The following TBCE variants were observed in gnomAD, a reference collection of about 807,000 sequenced individuals.
TBCE encodes the protein tubulin-specific chaperone E.
In TBCE, 53 loss-of-function variants were observed where a neutral mutation model predicts 77.0. The ratio of observed to expected loss-of-function variants is 0.69; its 90% CI spans 0.55 to 0.87. The LOEUF is 0.87. Ranked by LOEUF, TBCE falls within the 40% of genes least tolerant of loss-of-function variation. TBCE has a pLI of 0.00. For synonymous variants in TBCE, 235 were observed against 241.3 expected (o/e 0.97, Z 0.24); for missense variants, 624 against 622.4 (o/e 1.00, Z -0.03).
At chr1:235,396,832 G>A (rs1678751668) in intron 2 of TBCE, among the ~76,000 whole-genome samples, 1 of 152,056 alleles carries the variant, frequency 6.6e-6, no homozygotes, top group African/African-American at 2.4e-5. Context: ...CGGATTAATA[G>A]ATGTTTTTCC....
intron 5 of TBCE, among the ~76,000 whole-genome samples, chr1:235,423,439 G>A (rs1388668259): frequency 6.6e-6 from 1 of 152,168 alleles, no homozygotes; most frequent in Non-Finnish European, 1.5e-5. Flanking sequence ...TGAGGGAAGC[G>A]TGATTGGACT....
At chr1:235,414,040 A>G (rs1679969034) in intron 3 of TBCE, 3 of 276,400 alleles carry the variant, frequency 1.1e-5, no homozygotes, top group Non-Finnish European at 1.4e-5. Context: ...TTTTTAGTAG[A>G]GATGGGGGTT....
intron 1 of TBCE, among the ~76,000 whole-genome samples, chr1:235,369,915 C>G (rs1210097583): frequency 6.6e-6 from 1 of 151,940 alleles, no homozygotes; most frequent in African/African-American, 2.4e-5. Context: ...CACTGCTGAT[C>G]TCATGTCGTT....
chr1:235,423,633 C>T (rs1027327474), intron 5 of TBCE: 5 of 153,956 alleles, frequency 3.2e-5, no homozygotes, highest in African/African-American at 1.2e-4. Context: ...TTACAGAAGC[C>T]ATCATGCAGG....
At chr1:235,424,728 C>T (rs1328224965) in intron 5 of TBCE, among the ~76,000 whole-genome samples, 3 of 152,052 alleles carry the variant, frequency 2.0e-5, no homozygotes, top group African/African-American at 7.2e-5. Context: ...TGGTCTCGAA[C>T]CCCCGACCTC....
In TBCE at chr1:235,437,304, C is replaced by G; in HGVS notation, c.964-18C>G. ...TGAACGTACCGCTTTTCATTTATTTCCTTTTGCTGTGTTTCAGTGGTCGTT... is the reference window on the plus strand; with the variant it reads ...TGAACGTACCGCTTTTCATTTATTTGCTTTTGCTGTGTTTCAGTGGTCGTT... On this transcript the variant is annotated intron_variant, in intron 11 of 16. Coordinates refer to ENST00000642610, the MANE Select transcript of TBCE (RefSeq NM_003193.5). The G allele has an allele frequency of 6.2e-7, 1 of 1,613,912 alleles. No individual in the cohort carries two copies. The highest frequency in any genetic ancestry group is 8.5e-7 in the Non-Finnish European group (1 of 1,179,914).
Position 235,450,097 on chromosome 1 carries a change from TC to T in TBCE, c.*1336del. 7.4e-7 allele frequency: 1 copy of T among 1,352,006 alleles called. No individual in the cohort carries two copies. The highest frequency in any genetic ancestry group is 1.0e-6 in the Non-Finnish European group (1 of 973,976). The allele number at this position is 1,352,006 out of a possible 1,614,324, so 83.8% of individuals were successfully genotyped here. ...CTGGGTGAAAGTGCCAGTCTGGAAC[TC>T]TCTTGAAAGACCATACAGTCTACTG... On this transcript the variant is annotated 3_prime_UTR_variant, in exon 17 of 17. Coordinates refer to ENST00000642610, the MANE Select transcript of TBCE (RefSeq NM_003193.5).
At chr1:235,380,363 T>G (rs1428547775) in intron 2 of TBCE, among the ~76,000 whole-genome samples, 2 of 152,302 alleles carry the variant, frequency 1.3e-5, no homozygotes, top group East Asian at 3.9e-4. Context: ...TTTAATTATA[T>G]GCCATTTAAT....
At chr1:235,402,152 C>T (rs1679149929) in intron 3 of TBCE, among the ~76,000 whole-genome samples, 1 of 151,648 alleles carries the variant, frequency 6.6e-6, no homozygotes, top group Admixed American at 6.6e-5. Context: ...CAACCTCCAC[C>T]TCCTAGGTTC....
chr1:235,379,436 G>A (rs1373632679), intron 1 of TBCE, among the ~76,000 whole-genome samples: 1 of 152,116 alleles, frequency 6.6e-6, no homozygotes, highest in Non-Finnish European at 1.5e-5. Flanking sequence ...GCTGAGGCAG[G>A]GGAATTGCTT....
chr1:235,449,084 A>AGTT lies in TBCE; in HGVS notation c.*322_*323insGTT. 2 of 326,690 alleles carry AGTT rather than the reference A, an allele frequency of 6.1e-6. No homozygotes were observed. The highest frequency in any genetic ancestry group is 4.3e-5 in the African/African-American group (2 of 46,442). The allele number at this position is 326,690 out of a possible 1,614,324, so 20.2% of individuals were successfully genotyped here. The stretch of plus-strand genomic sequence containing the variant: ...AGCCTAATAAAATCTGAACACAGTT[A>AGTT]ATATCTGTCATAAGACTAGTTTTAA... On this transcript the variant is annotated 3_prime_UTR_variant, in exon 17 of 17. Coordinates refer to ENST00000642610, the MANE Select transcript of TBCE (RefSeq NM_003193.5).
chr1:235,381,749 G>C (rs968302461), intron 2 of TBCE, among the ~76,000 whole-genome samples: 1 of 139,032 alleles, frequency 7.2e-6, no homozygotes, highest in Non-Finnish European at 1.6e-5. Flanking sequence ...CTGATTATTT[G>C]TATAAAGTGC....
At chr1:235,397,241 G>T (rs745355117) in intron 2 of TBCE, among the ~76,000 whole-genome samples, 7 of 132,416 alleles carry the variant, frequency 5.3e-5, no homozygotes, top group Admixed American at 1.7e-4. Flanking sequence ...TTGCTCTGTC[G>T]CCCAGGCTGG....
intron 15 of TBCE, among the ~76,000 whole-genome samples, chr1:235,447,509 A>G (rs1414941746): frequency 4.6e-5 from 7 of 152,218 alleles, no homozygotes; most frequent in South Asian, 2.1e-4. Context: ...GTGTATGTTT[A>G]ATACAGTTAC....
chr1:235,420,223 T>G (rs1333708770), intron 5 of TBCE, among the ~76,000 whole-genome samples: 1 of 152,120 alleles, frequency 6.6e-6, no homozygotes, highest in Non-Finnish European at 1.5e-5. Flanking sequence ...CAGTACAGAT[T>G]GGGAGAGCAG....
intron 5 of TBCE, among the ~76,000 whole-genome samples, chr1:235,424,392 T>A (rs1486212006): frequency 9.4e-6 from 1 of 106,840 alleles, no homozygotes; most frequent in Admixed American, 9.1e-5. Flanking sequence ...TGGCGCGATC[T>A]TGGCTCACCG....
At chr1:235,376,739 C>T (rs182320419) in intron 1 of TBCE, among the ~76,000 whole-genome samples, 42 of 152,192 alleles carry the variant, frequency 2.8e-4, no homozygotes, top group South Asian at 2.7e-3. Flanking sequence ...ACTTGGAGGC[C>T]GAGGTGGGAA....
At position 235,438,643 on chromosome 1, in the gene TBCE, G is replaced by T. The variant is rs3819974; in HGVS notation, c.1117-126G>T. The T allele has an allele frequency of 0.65, 723,657 of 1,107,930 alleles. 239,017 individuals are homozygous for T. The highest frequency in any genetic ancestry group is 0.89 in the African/African-American group (57,383 of 64,480). 68.6% of individuals were successfully genotyped at this position (1,107,930 alleles called of 1,614,324 possible). A position where few individuals can be genotyped will look rare whatever the true frequency, so the allele number is the denominator to read the frequency against. ...ATGTTAAAAAGAAGGGTGAAAACTA[G>T]ATCTTGTCCCTCTCAATTTGATTAT... On this transcript the variant is annotated intron_variant, in intron 12 of 16. Coordinates refer to ENST00000642610, the MANE Select transcript of TBCE (RefSeq NM_003193.5).
chr1:235,435,609 T>C, intron 8 of TBCE, 136 bp from the exon 9 acceptor site: 1 of 745,022 alleles, frequency 1.3e-6, no homozygotes, highest in Admixed American at 2.0e-5. Flanking sequence ...ACCACTCAGG[T>C]TGCCCCTTTA....
Sources: gnomAD v4.1 joint callset for allele counts (sites outside exome capture counted in the v4.1 genomes callset) on GRCh38, gnomAD v4.1.1 for gene constraint, MANE v1.5 for transcripts, NCBI Gene and HGNC (gene_info 2026-07-23, HGNC 2026-07-21) for gene names.